The following GABRB2 variants were observed in gnomAD, a reference collection of about 807,000 sequenced individuals.
GABRB2 encodes gamma-aminobutyric acid receptor subunit beta-2.
In GABRB2, 16 loss-of-function variants were observed where a neutral mutation model predicts 54.7. The ratio of observed to expected loss-of-function variants is 0.29; its 90% confidence interval spans 0.20 to 0.44. GABRB2 has a LOEUF of 0.44. Ranked by LOEUF, GABRB2 falls within the 20% of genes least tolerant of loss-of-function variation. The pLI, the probability that GABRB2 is intolerant of heterozygous loss-of-function variation, is 1.00. For missense variants in GABRB2, 355 were observed against 644.0 expected, an observed-to-expected ratio of 0.55 and a Z score of 4.86; for synonymous variants, 244 against 233.8, an observed-to-expected ratio of 1.04 and a Z score of -0.40.
intron 3 of GABRB2, among the ~76,000 whole-genome samples, chr5:161,485,458 G>A (rs1389956638): frequency 6.6e-6 from 1 of 151,920 alleles, no homozygotes; most frequent in African/African-American, 2.4e-5. Context: ...TCATTGAGCT[G>A]AGCATCATTC....
chr5:161,368,038 GGTCTAT>G (rs758385574), intron 5 of GABRB2, among the ~76,000 whole-genome samples: 16 of 150,694 alleles, frequency 1.1e-4, no homozygotes, highest in Non-Finnish European at 2.4e-4. Flanking sequence ...TGCACAGGTT[GGTCTAT>G]GTGACCCCCA....
Position 161,291,181 on chromosome 5 carries a change from C to T in GABRB2, c.*2900G>A, listed in dbSNP as rs1356161242. 1 of 152,408 alleles carries T rather than the reference C, an allele frequency of 6.6e-6. No individual in the cohort carries two copies. The highest frequency in any genetic ancestry group is 2.4e-5 in the African/African-American group (1 of 41,410). 9.4% of individuals were successfully genotyped at this position (152,408 alleles called of 1,614,324 possible). A position where few individuals can be genotyped will look rare whatever the true frequency, so the allele number is the denominator to read the frequency against. On this transcript the variant is annotated 3_prime_UTR_variant, in exon 10 of 10. Coordinates refer to ENST00000393959, the MANE Select transcript of GABRB2 (RefSeq NM_001371727.1). ...GATCAAAGATTTCATGTAGACTGTG[C>T]ATTTTAGAGTCAGAATTTGTCCATG... is the stretch of plus-strand genomic sequence containing the variant.
intron 5 of GABRB2, among the ~76,000 whole-genome samples, chr5:161,371,495 C>T (rs560583892): frequency 6.6e-6 from 1 of 152,070 alleles, no homozygotes; most frequent in South Asian, 2.1e-4. Flanking sequence ...AAAGAAAGTG[C>T]TGATGGGATG....
At chr5:161,349,609 C>T (rs1173537711) in intron 5 of GABRB2, among the ~76,000 whole-genome samples, 2 of 152,094 alleles carry the variant, frequency 1.3e-5, no homozygotes, top group African/African-American at 2.4e-5. Flanking sequence ...ACTGAAGGTT[C>T]TGTCCAGGAT....
intron 9 of GABRB2, among the ~76,000 whole-genome samples, chr5:161,298,931 G>T (rs777663114): frequency 6.6e-6 from 1 of 152,112 alleles, no homozygotes. Flanking sequence ...TGAATAGGTG[G>T]CAGAGCAAGA....
chr5:161,465,744 TAC>T (rs1237510997), intron 3 of GABRB2, among the ~76,000 whole-genome samples: 1 of 152,140 alleles, frequency 6.6e-6, no homozygotes, highest in African/African-American at 2.4e-5. Flanking sequence ...ACACAATACA[TAC>T]ACACACATAC....
intron 9 of GABRB2, 69 bp downstream of exon 9, chr5:161,326,299 A>G: frequency 6.3e-7 from 1 of 1,589,422 alleles, no homozygotes; most frequent in African/African-American, 1.4e-5. Context: ...CACATTTTTT[A>G]AGGGAACAGC....
intron 3 of GABRB2, among the ~76,000 whole-genome samples, chr5:161,518,093 C>G (rs1346652225): frequency 1.3e-5 from 2 of 152,176 alleles, no homozygotes; most frequent in African/African-American, 2.4e-5. Context: ...CCGGTGTGAG[C>G]CACTGCACCT....
intron 9 of GABRB2, among the ~76,000 whole-genome samples, chr5:161,319,816 A>C (rs1362770305): frequency 6.6e-6 from 1 of 151,552 alleles, no homozygotes; most frequent in African/African-American, 2.4e-5. Flanking sequence ...TTTGAGTGGG[A>C]GTTATATTTT....
intron 3 of GABRB2, among the ~76,000 whole-genome samples, chr5:161,510,641 T>C (rs561127020): frequency 6.6e-6 from 1 of 152,126 alleles, no homozygotes; most frequent in Admixed American, 6.6e-5. Context: ...TTGTTTTGTT[T>C]TGTTTTGTCT....
chr5:161,335,207 T>C (rs938710424), intron 6 of GABRB2, among the ~76,000 whole-genome samples: 4 of 152,102 alleles, frequency 2.6e-5, no homozygotes, highest in Non-Finnish European at 4.4e-5. Flanking sequence ...ACAGTTCTTT[T>C]TTTCATTCTT....
intron 9 of GABRB2, among the ~76,000 whole-genome samples, chr5:161,322,162 T>C (rs1758229111): frequency 6.6e-6 from 1 of 152,138 alleles, no homozygotes; most frequent in Non-Finnish European, 1.5e-5. Flanking sequence ...AAATATGGGG[T>C]AATAATAAAA....
At chr5:161,477,558 A>C (rs1258103748) in intron 3 of GABRB2, among the ~76,000 whole-genome samples, 3 of 151,988 alleles carry the variant, frequency 2.0e-5, no homozygotes, top group Non-Finnish European at 4.4e-5. Context: ...GAAGCAACTC[A>C]AATGTCCATC....
At chr5:161,372,007 G>A (rs903505566) in intron 5 of GABRB2, among the ~76,000 whole-genome samples, 4 of 152,056 alleles carry the variant, frequency 2.6e-5, no homozygotes, top group Non-Finnish European at 5.9e-5. Flanking sequence ...TGGGATTACA[G>A]GCATGTGTCA....
chr5:161,346,983 T>C (rs1006181078), intron 5 of GABRB2, among the ~76,000 whole-genome samples: 1 of 152,096 alleles, frequency 6.6e-6, no homozygotes, highest in Non-Finnish European at 1.5e-5. Flanking sequence ...CTCATGTAAA[T>C]AGCAAGAGAG....
At chr5:161,415,784 T>C (rs1460113634) in intron 4 of GABRB2, among the ~76,000 whole-genome samples, 1 of 152,046 alleles carries the variant, frequency 6.6e-6, no homozygotes, top group Non-Finnish European at 1.5e-5. Flanking sequence ...AGCTAATTTT[T>C]GTATTTTTAG....
At chr5:161,448,089 G>A (rs1757686895) in intron 4 of GABRB2, among the ~76,000 whole-genome samples, 1 of 152,096 alleles carries the variant, frequency 6.6e-6, no homozygotes, top group South Asian at 2.1e-4. Context: ...AAATGTACAG[G>A]TTATTTGGGT....
chr5:161,449,345 A>G (rs1178325832), intron 4 of GABRB2, among the ~76,000 whole-genome samples: 1 of 152,184 alleles, frequency 6.6e-6, no homozygotes, highest in East Asian at 1.9e-4. Flanking sequence ...AAAGTATCCA[A>G]TAAAGGTTAC....
intron 3 of GABRB2, among the ~76,000 whole-genome samples, chr5:161,463,555 T>TTATATATATA (rs869302091): frequency 8.4e-5 from 2 of 23,684 alleles, no homozygotes; most frequent in Admixed American, 1.3e-3. Flanking sequence ...ATATTTTTAT[T>TTATATATATA]TATATATATA....
Sources: gnomAD v4.1 joint callset for allele counts (sites outside exome capture counted in the v4.1 genomes callset) on GRCh38, gnomAD v4.1.1 for gene constraint, MANE v1.5 for transcripts, NCBI Gene and HGNC (gene_info 2026-07-23, HGNC 2026-07-21) for gene names.